Variants in GRIP1 observed in about 807,000 individuals in gnomAD.
The protein encoded by GRIP1 is glutamate receptor interacting protein 1.
Under a neutral mutation model 129.9 loss-of-function variants are expected in GRIP1, and 45 were observed. That is an observed-to-expected ratio of 0.35 (90% CI 0.27 to 0.44). The LOEUF is 0.44. GRIP1 is among the 20% of genes least tolerant of loss of function. The pLI is 1.00. For synonymous variants in GRIP1, 530 were observed against 520.8 expected (o/e 1.02, Z -0.24); for missense variants, 1,196 against 1,396.8 (o/e 0.86, Z 2.29).
Position 66,401,943 on chromosome 12 carries a change from G to C in GRIP1, c.1984+4340C>G, listed in dbSNP as rs117566633. The stretch of plus-strand genomic sequence containing the variant: ...CCAGTGGGCCTCATTCCTGTTTTAA[G>C]TCCTCTAATGGCCCCCCATTGGTTT... On this transcript the variant is annotated intron_variant, in intron 16 of 24. Transcript: ENST00000359742. Among the ~76,000 whole-genome samples, 5 of 152,194 alleles carry C rather than the reference G, an allele frequency of 3.3e-5. No homozygotes were observed. In the East Asian group the frequency reaches 7.7e-4, roughly 24 times the overall value.
intron 1 of GRIP1, among the ~76,000 whole-genome samples, chr12:67,001,791 C>G: frequency 6.6e-6 from 1 of 152,254 alleles, no homozygotes; most frequent in Admixed American, 6.5e-5. Context: ...GTCTGTGACT[C>G]TCTCATAGAC....
chr12:66,682,567 G>A (rs890311412), upstream of GRIP1, among the ~76,000 whole-genome samples: 2 of 152,084 alleles, frequency 1.3e-5, no homozygotes, highest in Admixed American at 6.6e-5. Context: ...TCATCAGCAG[G>A]TGGCACACAT....
chr12:67,064,454 G>C (rs986415943), intron 1 of GRIP1, among the ~76,000 whole-genome samples: 2 of 152,148 alleles, frequency 1.3e-5, no homozygotes, highest in Non-Finnish European at 2.9e-5. Context: ...TTCCCCATCT[G>C]ACAGGGTGAC....
At chr12:66,834,936 A>AAGG (rs1555243843) in intron 1 of GRIP1, among the ~76,000 whole-genome samples, 4 of 99,252 alleles carry the variant, frequency 4.0e-5, no homozygotes, top group East Asian at 2.9e-4. Flanking sequence ...TAAAAAAAAA[A>AAGG]GGGGGGGGGG....
intron 1 of GRIP1, among the ~76,000 whole-genome samples, chr12:67,001,119 C>T (rs925914035): frequency 6.6e-6 from 1 of 152,132 alleles, no homozygotes; most frequent in Non-Finnish European, 1.5e-5. Context: ...TGCTTCCAGG[C>T]CAGTTCAACT....
At chr12:66,473,823 G>A (rs548780071) in intron 7 of GRIP1, among the ~76,000 whole-genome samples, 4 of 152,252 alleles carry the variant, frequency 2.6e-5, no homozygotes, top group Admixed American at 1.3e-4. Flanking sequence ...AACTCCAACC[G>A]AAGGTCACCA....
chr12:66,445,319 C>A lies in GRIP1; in HGVS notation c.1541+3G>T, dbSNP rs750983209. 1 of 1,612,944 alleles carries A rather than the reference C, an allele frequency of 6.2e-7. No homozygotes were observed. The highest frequency in any genetic ancestry group is 8.5e-7 in the Non-Finnish European group (1 of 1,178,950). On this transcript the variant is annotated splice_donor_region_variant and intron_variant, in intron 12 of 24. Transcript: ENST00000359742. Reference sequence around the variant, plus strand: ...AATGATGCTGTGAAAGAAAGTGTCTCACCTCTCTGCTGGGCTGTCAGCTTC... The same window carrying A: ...AATGATGCTGTGAAAGAAAGTGTCTAACCTCTCTGCTGGGCTGTCAGCTTC...
At chr12:66,906,193 C>G (rs2040929306) in intron 1 of GRIP1, among the ~76,000 whole-genome samples, 1 of 152,052 alleles carries the variant, frequency 6.6e-6, no homozygotes, top group Non-Finnish European at 1.5e-5. Flanking sequence ...GGGAGGATCA[C>G]ATGAGGCTAG....
intron 1 of GRIP1, among the ~76,000 whole-genome samples, chr12:67,065,642 T>G (rs529798163): frequency 4.6e-5 from 7 of 152,344 alleles, no homozygotes; most frequent in African/African-American, 1.4e-4. Context: ...AGATAATCTT[T>G]CCAAGCATTA....
At chr12:66,815,878 C>CTCTCTCTCTCTT (rs1273726920) in intron 1 of GRIP1, among the ~76,000 whole-genome samples, 1 of 140,338 alleles carries the variant, frequency 7.1e-6, no homozygotes, top group Non-Finnish European at 1.5e-5. Context: ...CTCTCTCTCT[C>CTCTCTCTCTCTT]TCTTTCTTTC....
intron 1 of GRIP1, among the ~76,000 whole-genome samples, chr12:66,854,381 G>A (rs1017998803): frequency 7.9e-5 from 12 of 151,922 alleles, no homozygotes; most frequent in Non-Finnish European, 1.0e-4. Flanking sequence ...AGCCTTGTAC[G>A]CCTCAATAAG....
intron 1 of GRIP1, among the ~76,000 whole-genome samples, chr12:66,839,076 G>A (rs1393750946): frequency 2.0e-5 from 3 of 151,902 alleles, no homozygotes; most frequent in South Asian, 2.1e-4. Flanking sequence ...TTATCATAGC[G>A]ACTATAGCTA....
chr12:66,911,744 C>T (rs1210726389), intron 1 of GRIP1, among the ~76,000 whole-genome samples: 3 of 151,952 alleles, frequency 2.0e-5, no homozygotes, highest in African/African-American at 7.3e-5. Flanking sequence ...AGAGGGTGTC[C>T]AAAAACATAC....
intron 22 of GRIP1, chr12:66,372,318 A>C: frequency 3.3e-6 from 1 of 305,752 alleles, no homozygotes; most frequent in African/African-American, 2.2e-5. Context: ...ACAGAAACGA[A>C]TTAAGAACTT....
chr12:66,437,738 A>T (rs1430828998), intron 13 of GRIP1, among the ~76,000 whole-genome samples: 2 of 152,128 alleles, frequency 1.3e-5, no homozygotes, highest in Non-Finnish European at 2.9e-5. Flanking sequence ...ACTGGAATGT[A>T]GTGAGTGGGT....
At chr12:66,814,472 G>A (rs1163803385) in intron 1 of GRIP1, among the ~76,000 whole-genome samples, 1 of 151,496 alleles carries the variant, frequency 6.6e-6, no homozygotes, top group Non-Finnish European at 1.5e-5. Flanking sequence ...AGGTAGAACT[G>A]TCCTTTTTAT....
chr12:67,054,174 C>A (rs969564368), intron 1 of GRIP1, among the ~76,000 whole-genome samples: 1 of 152,092 alleles, frequency 6.6e-6, no homozygotes. Flanking sequence ...AAATGTAAAC[C>A]CTAAAAGCAA....
chr12:66,904,430 ATGG>A (rs1265119289), intron 1 of GRIP1, among the ~76,000 whole-genome samples: 1 of 152,242 alleles, frequency 6.6e-6, no homozygotes, highest in Non-Finnish European at 1.5e-5. Context: ...GAGTTGGCTG[ATGG>A]TGTTTTCAAT....
At chr12:66,865,437 G>A (rs1259423408) in intron 1 of GRIP1, among the ~76,000 whole-genome samples, 1 of 151,074 alleles carries the variant, frequency 6.6e-6, no homozygotes, top group African/African-American at 2.4e-5. Flanking sequence ...CAATAAGACA[G>A]ACTATCTAAA....
Sources: allele counts gnomAD v4.1 joint callset (sites outside exome capture counted in the v4.1 genomes callset), GRCh38; gene constraint gnomAD v4.1.1; transcripts MANE v1.5; gene names NCBI Gene and HGNC (gene_info 2026-07-23, HGNC 2026-07-21).